The following SHISA9 variants were observed in gnomAD, a reference collection of about 807,000 sequenced individuals.
SHISA9 encodes the protein shisa family member 9.
In SHISA9, 13 loss-of-function variants were observed where a neutral mutation model predicts 38.0. The ratio of observed to expected loss-of-function variants is 0.34; its 90% CI spans 0.22 to 0.54. SHISA9 has a LOEUF of 0.54. Among genes scored for constraint, SHISA9 ranks in the 20% least tolerant of loss-of-function variants. The pLI is 0.91. For missense variants in SHISA9, 538 were observed against 575.8 expected, an observed-to-expected ratio of 0.93 and a Z score of 0.67; for synonymous variants, 275 against 242.0, an observed-to-expected ratio of 1.14 and a Z score of -1.27.
At chr16:13,318,610 C>T in the SHISA9 span, among the ~76,000 whole-genome samples, 490 of 152,200 alleles carry the variant, frequency 3.2e-3, 4 homozygotes, top group Non-Finnish European at 5.9e-3. Context: ...TGGGAGCCAC[C>T]GTGCCTGGCC....
At chr16:13,009,257 T>A (rs1384314453) in intron 2 of SHISA9, among the ~76,000 whole-genome samples, 3 of 152,194 alleles carry the variant, frequency 2.0e-5, no homozygotes. Flanking sequence ...CCAGGCAGTC[T>A]GGCTTTAAGC....
the SHISA9 span, among the ~76,000 whole-genome samples, chr16:13,255,392 T>A: frequency 3.3e-5 from 5 of 152,234 alleles, no homozygotes; most frequent in Non-Finnish European, 7.3e-5. Context: ...TTGCCCTCTA[T>A]CTTTGGGACT....
At chr16:13,420,207 C>G in the SHISA9 span, among the ~76,000 whole-genome samples, 1 of 126,892 alleles carries the variant, frequency 7.9e-6, no homozygotes, top group African/African-American at 3.0e-5. Flanking sequence ...GATCGCACCA[C>G]TGCACTCCAG....
intron 2 of SHISA9, among the ~76,000 whole-genome samples, chr16:12,992,013 A>G (rs959690190): frequency 6.6e-6 from 1 of 152,198 alleles, no homozygotes; most frequent in African/African-American, 2.4e-5. Context: ...CCCAGCACAT[A>G]GGTGCTCAAC....
chr16:13,399,285 A>G, the SHISA9 span, among the ~76,000 whole-genome samples: 1 of 152,040 alleles, frequency 6.6e-6, no homozygotes, highest in African/African-American at 2.4e-5. Flanking sequence ...GAAAGACAAA[A>G]TTATGTAAGA....
intron 2 of SHISA9, among the ~76,000 whole-genome samples, chr16:13,043,925 G>T (rs1306295370): frequency 1.3e-5 from 2 of 152,050 alleles, no homozygotes; most frequent in Non-Finnish European, 2.9e-5. Flanking sequence ...GCTTCTCCTT[G>T]TCCTTACTTG....
chr16:13,485,426 T>C, the SHISA9 span, among the ~76,000 whole-genome samples: 3 of 152,288 alleles, frequency 2.0e-5, no homozygotes, highest in East Asian at 5.8e-4. Flanking sequence ...CACATTTTCT[T>C]TATCCAGTCT....
At chr16:13,275,382 G>A in the SHISA9 span, among the ~76,000 whole-genome samples, 1 of 151,942 alleles carries the variant, frequency 6.6e-6, no homozygotes, top group African/African-American at 2.4e-5. Context: ...GGTCAATATG[G>A]TTCTGATTTC....
At chr16:13,171,830 G>A (rs62027561) in intron 2 of SHISA9, among the ~76,000 whole-genome samples, 7,978 of 152,166 alleles carry the variant, frequency 0.052, 236 homozygotes, top group African/African-American at 0.075. Context: ...GTTGACATTC[G>A]TATGCATATG....
intron 4 of SHISA9, among the ~76,000 whole-genome samples, chr16:13,222,688 T>C (rs930420219): frequency 6.6e-5 from 10 of 152,130 alleles, no homozygotes; most frequent in Non-Finnish European, 1.3e-4. Flanking sequence ...CTGATGGGAA[T>C]GTACATTTCA....
intron 2 of SHISA9, among the ~76,000 whole-genome samples, chr16:13,126,426 G>C (rs1348479337): frequency 6.6e-6 from 1 of 152,028 alleles, no homozygotes; most frequent in Non-Finnish European, 1.5e-5. Context: ...GGAAGAGGAA[G>C]AGGGAGAGAG....
the SHISA9 span, among the ~76,000 whole-genome samples, chr16:13,259,114 G>C: frequency 6.6e-6 from 1 of 152,176 alleles, no homozygotes. Context: ...TGGGGGTACA[G>C]GTATTTGGTA....
At chr16:12,949,569 C>T (rs1031315734) in intron 2 of SHISA9, among the ~76,000 whole-genome samples, 7 of 152,294 alleles carry the variant, frequency 4.6e-5, no homozygotes, top group African/African-American at 1.4e-4. Context: ...GTGGAAAATA[C>T]ACACTGGATT....
intron 1 of SHISA9, among the ~76,000 whole-genome samples, chr16:12,916,081 CTCCA>C (rs1431532857): frequency 7.8e-6 from 1 of 128,228 alleles, no homozygotes; most frequent in Non-Finnish European, 1.5e-5. Flanking sequence ...TGAATTGTGT[CTCCA>C]TCCCCCTGCA....
intron 3 of SHISA9, among the ~76,000 whole-genome samples, chr16:13,207,777 G>A (rs1396156714): frequency 6.6e-6 from 1 of 152,180 alleles, no homozygotes; most frequent in Admixed American, 6.5e-5. Context: ...GTTCTTTCAA[G>A]GGTTCTTTGT....
chr16:12,937,838 A>G (rs1186769471), intron 2 of SHISA9, among the ~76,000 whole-genome samples: 1 of 152,218 alleles, frequency 6.6e-6, no homozygotes, highest in Admixed American at 6.5e-5. Context: ...ACAAACATTC[A>G]GTCCATAACA....
intron 2 of SHISA9, among the ~76,000 whole-genome samples, chr16:13,187,328 C>CTTTTTTTTTT (rs372286181): frequency 1.2e-3 from 105 of 90,644 alleles, no homozygotes; most frequent in Non-Finnish European, 1.9e-3. Context: ...CTTTTCTTTT[C>CTTTTTTTTTT]TTTTTTTTTT....
intron 2 of SHISA9, among the ~76,000 whole-genome samples, chr16:12,940,284 C>T (rs2071592619): frequency 6.6e-6 from 1 of 152,164 alleles, no homozygotes; most frequent in African/African-American, 2.4e-5. Flanking sequence ...TCCCTGTTCT[C>T]TATACTATAA....
chr16:12,951,082 G>A (rs1287788039), intron 2 of SHISA9, among the ~76,000 whole-genome samples: 3 of 150,724 alleles, frequency 2.0e-5, no homozygotes, highest in South Asian at 2.1e-4. Flanking sequence ...TTAGCCAGGC[G>A]TGGTGGCAGG....
Sources: gnomAD v4.1 joint callset for allele counts (sites outside exome capture counted in the v4.1 genomes callset) on GRCh38, gnomAD v4.1.1 for gene constraint, MANE v1.5 for transcripts, NCBI Gene and HGNC (gene_info 2026-07-23, HGNC 2026-07-21) for gene names.